The following SDE2 variants were observed in gnomAD, a reference collection of about 807,000 sequenced individuals.
SDE2 encodes the protein splicing regulator SDE2.
SDE2 carries 31 observed loss-of-function variants against 46.9 expected under a neutral mutation model. The observed-to-expected ratio is 0.66, with a 90% CI of 0.50 to 0.89. The LOEUF is 0.89. SDE2 is among the 40% of genes least tolerant of loss of function. SDE2 has a pLI of 0.00. For missense variants in SDE2, 542 were observed against 564.4 expected (o/e 0.96, Z 0.40); for synonymous variants, 205 against 204.3 (o/e 1.00, Z -0.03).
intron 6 of SDE2, among the ~76,000 whole-genome samples, chr1:225,986,583 T>C (rs1453218387): frequency 6.6e-6 from 1 of 152,218 alleles, no homozygotes; most frequent in Non-Finnish European, 1.5e-5. Flanking sequence ...TTATGTGTGT[T>C]TAAAGAATCA....
Position 225,988,225 on chromosome 1 carries a change from C to T in SDE2, c.805G>A (p.Ala269Thr). The change falls in exon 6 of 7, where the codon GCG (alanine) becomes ACG (threonine). Residue 269 changes from alanine (A) to threonine (T), a missense_variant. Physicochemically the swap from Ala to Thr is moderately conservative, Grantham distance 58. Transcript: ENST00000272091. Reference sequence around the variant, plus strand: ...CCATGGTCTGTATTCACTACTCTCGCCCTCTGAGAACCACTGGGAAATTTG... The same window carrying T: ...CCATGGTCTGTATTCACTACTCTCGTCCTCTGAGAACCACTGGGAAATTTG... ...AAKFPSGSQR[A>T]RVVNTDHGSP... is the part of the protein sequence containing the mutation. The T allele has an allele frequency of 6.2e-7, 1 of 1,614,172 alleles. No individual in the cohort carries two copies. The highest frequency in any genetic ancestry group is 2.2e-5 in the East Asian group (1 of 44,886).
At chr1:225,995,466 ATTACTCT>A in intron 1 of SDE2, 83 bp from the exon 2 acceptor site, 1 of 731,562 alleles carries the variant, frequency 1.4e-6, no homozygotes, top group Non-Finnish European at 2.4e-6. Context: ...CTGTCTTTTT[ATTACTCT>A]GGTTACAACA....
At chr1:225,986,414 T>G (rs1051649348) in intron 6 of SDE2, among the ~76,000 whole-genome samples, 39 of 152,192 alleles carry the variant, frequency 2.6e-4, no homozygotes, top group African/African-American at 9.4e-4. Context: ...TGAGTGATTT[T>G]TTATATTCAA....
At chr1:225,986,196 G>A (rs1226991467) in intron 6 of SDE2, among the ~76,000 whole-genome samples, 1 of 151,964 alleles carries the variant, frequency 6.6e-6, no homozygotes, top group Non-Finnish European at 1.5e-5. Context: ...GGGTGTGGTG[G>A]TGCGTGCCTG....
intron 5 of SDE2, among the ~76,000 whole-genome samples, chr1:225,990,426 T>C (rs1025199917): frequency 2.0e-5 from 3 of 152,134 alleles, no homozygotes; most frequent in African/African-American, 7.2e-5. Context: ...TGGGAACTAT[T>C]TCAGGTCATT....
chr1:225,996,422 T>A (rs1412378163), intron 1 of SDE2, among the ~76,000 whole-genome samples: 1 of 152,190 alleles, frequency 6.6e-6, no homozygotes, highest in South Asian at 2.1e-4. Flanking sequence ...ATGAAAATGA[T>A]GTATACTTCA....
intron 1 of SDE2, among the ~76,000 whole-genome samples, chr1:225,996,873 C>T (rs193275391): frequency 1.1e-4 from 16 of 152,326 alleles, no homozygotes; most frequent in Non-Finnish European, 1.9e-4. Flanking sequence ...TCCTTGGAAA[C>T]TACAAATTTA....
At position 225,991,256 on chromosome 1, in the gene SDE2, T is replaced by C. The variant is rs1656392426; in HGVS notation, c.628A>G (p.Arg210Gly). Residue 210 changes from arginine to glycine, a missense_variant, in exon 5 of 7, where the codon AGG becomes GGG. Arg to Gly is a moderately radical substitution (Grantham distance 125). Around this residue, in one of 3 missense-constraint regions of SDE2, gnomAD observed 401 missense variants for 437.8 expected, o/e 0.92. Coordinates refer to ENST00000272091, the MANE Select transcript of SDE2 (RefSeq NM_152608.4). Reference protein sequence around the residue: ...QTDRGASAGKRRCFWLGMEGL... With the variant: ...QTDRGASAGKGRCFWLGMEGL... ...TGAAACACTTACCAGAAGCATCTCC[T>C]CTTTCCCGCACTGGCTCCTCTGTCT... The C allele has an allele frequency of 6.2e-7, 1 of 1,613,766 alleles. No homozygotes were observed. Among genetic ancestry groups the C allele is most frequent in the Non-Finnish European group, 8.5e-7 (1 of 1,179,660 alleles).
intron 6 of SDE2, among the ~76,000 whole-genome samples, chr1:225,987,162 A>G (rs1319406955): frequency 6.6e-6 from 1 of 152,098 alleles, no homozygotes; most frequent in African/African-American, 2.4e-5. Context: ...TCGTGGCTCA[A>G]CCTCCTGAGT....
chr1:225,988,278 A>C lies in SDE2; in HGVS notation c.752T>G (p.Ile251Ser), dbSNP rs1365792562. Reference protein sequence around the residue: ...TSGMGFHAPKIGSNGVEMAAK... With the variant: ...TSGMGFHAPKSGSNGVEMAAK... ...TGCCATCTCGACACCATTGCTACCA[A>C]TTTTTGGAGCATGGAAACCCATTCC... Residue 251 changes from isoleucine (I) to serine (S), a missense_variant, in exon 6 of 7, where the codon ATT (isoleucine) becomes AGT (serine). This residue lies in a region of SDE2 where 401 missense variants were observed against 437.8 expected (regional missense o/e 0.92). Coordinates refer to ENST00000272091, the MANE Select transcript of SDE2 (RefSeq NM_152608.4). 1 of 1,613,990 alleles carries C rather than the reference A, an allele frequency of 6.2e-7. No individual in the cohort carries two copies. The highest frequency in any genetic ancestry group is 8.5e-7 in the Non-Finnish European group (1 of 1,180,042).
At chr1:225,992,686 G>A (rs1218611527) in intron 3 of SDE2, 119 bp from the exon 4 acceptor site, 1 of 737,392 alleles carries the variant, frequency 1.4e-6, no homozygotes, top group Non-Finnish European at 2.2e-6. Context: ...TCTTAGAAAG[G>A]TGAGCCATGC....
rs1216306985 is a variant in SDE2 at position 225,982,868 on chromosome 1, T to G, written c.*2434A>C. On this transcript the variant is annotated 3_prime_UTR_variant, in exon 7 of 7. Coordinates refer to ENST00000272091, the MANE Select transcript of SDE2 (RefSeq NM_152608.4). ...ATAAAAGACAGGTATGATAAATGGATGTACATACTTACAAGATTTCTACAT... is the reference window on the plus strand; with the variant it reads ...ATAAAAGACAGGTATGATAAATGGAGGTACATACTTACAAGATTTCTACAT... 2.0e-5 allele frequency: 3 copies of G among 152,174 alleles called. No individual in the cohort carries two copies. Among genetic ancestry groups the G allele is most frequent in the Non-Finnish European group, 4.4e-5 (3 of 68,022 alleles). 9.4% of individuals were successfully genotyped at this position (152,174 alleles called of 1,614,324 possible).
intron 6 of SDE2, among the ~76,000 whole-genome samples, chr1:225,987,200 T>C (rs1480676101): frequency 6.6e-6 from 1 of 152,000 alleles, no homozygotes; most frequent in Non-Finnish European, 1.5e-5. Flanking sequence ...TGCACCACCA[T>C]GCCCGGCTAA....
chr1:225,993,029 G>T, intron 2 of SDE2, 27 bp from the exon 3 acceptor site: 1 of 1,282,712 alleles, frequency 7.8e-7, no homozygotes, highest in Non-Finnish European at 1.1e-6. Context: ...GGAGAAAGCA[G>T]GTTAAAATGT....
chr1:225,989,558 G>A, intron 5 of SDE2, among the ~76,000 whole-genome samples: 1 of 151,532 alleles, frequency 6.6e-6, no homozygotes, highest in East Asian at 1.9e-4. Context: ...GAATCTGGGA[G>A]GCAGAGGTTG....
intron 5 of SDE2, among the ~76,000 whole-genome samples, 159 bp from the exon 6 acceptor site, chr1:225,988,547 A>G (rs1355118161): frequency 1.3e-5 from 2 of 151,950 alleles, no homozygotes; most frequent in Non-Finnish European, 2.9e-5. Flanking sequence ...TGGCCAACAC[A>G]GTGAAACCCC....
rs1656499113 is a variant in SDE2 at position 225,995,389 on chromosome 1, GACAA to G, written c.121-10_121-7del. 6.5e-7 allele frequency: 1 copy of G among 1,536,018 alleles called. No individual in the cohort carries two copies. Among genetic ancestry groups the G allele is most frequent in the Non-Finnish European group, 9.0e-7 (1 of 1,111,962 alleles). On this transcript the variant is annotated splice_polypyrimidine_tract_variant and splice_region_variant and intron_variant, in intron 1 of 6. Transcript: ENST00000272091. The stretch of plus-strand genomic sequence containing the variant: ...AAGTTTTCCACTGGAACATTCTAGA[GACAA>G]ATTTGTTTTTTTAATGCCTTTTATG...
In SDE2 at chr1:225,992,416, C is replaced by G. The variant is rs765185264; in HGVS notation, c.502G>C (p.Glu168Gln). The change falls in exon 4 of 7, where the codon GAG (glutamate) becomes CAG (glutamine). Residue 168 changes from glutamate to glutamine, a missense_variant. Glu to Gln is a conservative substitution (Grantham distance 29). Coordinates refer to ENST00000272091, the MANE Select transcript of SDE2 (RefSeq NM_152608.4). The stretch of plus-strand genomic sequence containing the variant: ...TTCTCACCTTTGAGGACGGAATCCT[C>G]CAGACGCTCAGCCATCTCATGGCAC... ...QQCHEMAERL[E>Q]DSVLKGMQAA... 6.2e-7 allele frequency: 1 copy of G among 1,613,472 alleles called. No homozygotes were observed. The highest frequency in any genetic ancestry group is 8.5e-7 in the Non-Finnish European group (1 of 1,179,850).
intron 6 of SDE2, among the ~76,000 whole-genome samples, chr1:225,986,787 C>A (rs1210308825): frequency 1.3e-5 from 2 of 152,074 alleles, no homozygotes; most frequent in African/African-American, 4.8e-5. Context: ...ATTGTAAGGA[C>A]CTTAGCATAA....
Sources: allele counts gnomAD v4.1 joint callset (sites outside exome capture counted in the v4.1 genomes callset), GRCh38; gene constraint gnomAD v4.1.1; regional missense constraint gnomAD v4.1.1; transcripts MANE v1.5; gene names NCBI Gene and HGNC (gene_info 2026-07-23, HGNC 2026-07-21).